ADAM10: variants seen among roughly 807,000 people sequenced by gnomAD.
ADAM10 encodes the protein ADAM metallopeptidase domain 10.
ADAM10 carries 17 observed loss-of-function variants against 90.1 expected under a neutral mutation model. The ratio of observed to expected loss-of-function variants is 0.19; its 90% CI spans 0.13 to 0.28. The LOEUF is 0.28. Ranked by LOEUF, ADAM10 falls within the 10% of genes least tolerant of loss-of-function variation. ADAM10 has a pLI of 1.00. For synonymous variants in ADAM10, 310 were observed against 298.6 expected, an observed-to-expected ratio of 1.04 and a Z score of -0.40; for missense variants, 610 against 914.3, an observed-to-expected ratio of 0.67 and a Z score of 4.29.
chr15:58,628,612 C>A (rs1486927902), intron 9 of ADAM10, among the ~76,000 whole-genome samples: 1 of 152,074 alleles, frequency 6.6e-6, no homozygotes, highest in African/African-American at 2.4e-5. Context: ...GCTTATGAGA[C>A]CAAGCAACAG....
intron 1 of ADAM10, among the ~76,000 whole-genome samples, chr15:58,720,649 C>T (rs1404908205): frequency 1.3e-5 from 2 of 152,078 alleles, no homozygotes; most frequent in Non-Finnish European, 2.9e-5. Flanking sequence ...GATCCGCCCA[C>T]CTCAGCCTCC....
intron 1 of ADAM10, among the ~76,000 whole-genome samples, chr15:58,719,980 C>T (rs1232042464): frequency 2.0e-5 from 3 of 152,136 alleles, no homozygotes; most frequent in African/African-American, 7.2e-5. Flanking sequence ...TTCCTTCTCC[C>T]ACACTTTGCC....
chr15:58,676,513 C>T (rs775919651), intron 4 of ADAM10, among the ~76,000 whole-genome samples: 7 of 152,094 alleles, frequency 4.6e-5, no homozygotes, highest in Non-Finnish European at 8.8e-5. Flanking sequence ...TTAGTGAGCC[C>T]TCCCATCTGT....
Position 58,593,806 on chromosome 15 carries a change from A to C in ADAM10, c.*3741T>G, listed in dbSNP as rs1894881920. ...GAAGAACTTACCAATTATAAAATAC[A>C]TGAATTTCTACTGAAAATAGTACAT... On this transcript the variant is annotated 3_prime_UTR_variant, in exon 16 of 16. Transcript: ENST00000260408. 1 of 152,256 alleles carries C rather than the reference A, an allele frequency of 6.6e-6. No individual in the cohort carries two copies. The highest frequency in any genetic ancestry group is 2.1e-4 in the South Asian group (1 of 4,838). The allele number at this position is 152,256 out of a possible 1,614,324, so 9.4% of individuals were successfully genotyped here.
At chr15:58,666,235 C>A (rs1897080544) in intron 4 of ADAM10, among the ~76,000 whole-genome samples, 1 of 149,858 alleles carries the variant, frequency 6.7e-6, no homozygotes, top group Non-Finnish European at 1.5e-5. Context: ...CCACTGCATT[C>A]ACCATCAACT....
rs368745823 is a variant in ADAM10 at position 58,744,441 on chromosome 15, A to C, written c.55+5039T>G. Among the ~76,000 whole-genome samples, 6 of 152,346 alleles carry C rather than the reference A, an allele frequency of 3.9e-5. No homozygotes were observed. In the South Asian group the frequency reaches 6.2e-4, roughly 16 times the overall value. On this transcript the variant is annotated intron_variant, in intron 1 of 15. Coordinates refer to ENST00000260408, the MANE Select transcript of ADAM10 (RefSeq NM_001110.4). Reference sequence around the variant, plus strand: ...ACATCTTCAAAGTTTACAAGAAAGCAAAGAAACCTAACCAAAAAGTTGGAA... The same window carrying C: ...ACATCTTCAAAGTTTACAAGAAAGCCAAGAAACCTAACCAAAAAGTTGGAA...
intron 1 of ADAM10, among the ~76,000 whole-genome samples, chr15:58,721,159 T>C (rs1298819519): frequency 6.6e-6 from 1 of 152,220 alleles, no homozygotes; most frequent in African/African-American, 2.4e-5. Context: ...GGGAGAGTTA[T>C]TAAACAAAGT....
At chr15:58,720,251 T>TA (rs1898800900) in intron 1 of ADAM10, among the ~76,000 whole-genome samples, 2 of 152,192 alleles carry the variant, frequency 1.3e-5, no homozygotes, top group Admixed American at 1.3e-4. Flanking sequence ...CCTTCTCCTC[T>TA]TGAACACACT....
chr15:58,730,008 A>AC (rs1555422739), intron 1 of ADAM10, among the ~76,000 whole-genome samples: 14,877 of 140,410 alleles, frequency 0.11, 1,062 homozygotes, highest in South Asian at 0.26. Context: ...ACAAACAAAA[A>AC]AAAAAACTCA....
At chr15:58,620,255 C>G (rs1248661638) in intron 11 of ADAM10, among the ~76,000 whole-genome samples, 2 of 152,054 alleles carry the variant, frequency 1.3e-5, no homozygotes, top group African/African-American at 4.8e-5. Flanking sequence ...CACTTGAGAT[C>G]AGGAGTCCAA....
rs529754804 is a variant in ADAM10 at position 58,639,589 on chromosome 15, A to T, written c.1012+1188T>A. Among the ~76,000 whole-genome samples the T allele has an allele frequency of 6.6e-5, 10 of 152,346 alleles. No homozygotes were observed. The East Asian group carries it at 9.6e-4, about 15-fold the overall frequency. Reference sequence around the variant, plus strand: ...TAATCCAAGTAACAAAAAAGTACAGATTATCATAAAAGACAAATATCCAAA... The same window carrying T: ...TAATCCAAGTAACAAAAAAGTACAGTTTATCATAAAAGACAAATATCCAAA... On this transcript the variant is annotated intron_variant, in intron 8 of 15. Coordinates refer to ENST00000260408, the MANE Select transcript of ADAM10 (RefSeq NM_001110.4).
intron 14 of ADAM10, among the ~76,000 whole-genome samples, chr15:58,599,928 A>G (rs1284514124): frequency 2.0e-5 from 3 of 152,164 alleles, no homozygotes; most frequent in Non-Finnish European, 2.9e-5. Flanking sequence ...GAAAATGGAA[A>G]TCACCCATAA....
At chr15:58,655,742 CTTTTTTTTTTTT>C (rs71116585) in intron 5 of ADAM10, among the ~76,000 whole-genome samples, 100 of 39,674 alleles carry the variant, frequency 2.5e-3, no homozygotes, top group South Asian at 5.9e-3. Flanking sequence ...TATATATATT[CTTTTTTTTTTTT>C]TTTTTTTTTT....
chr15:58,665,649 C>T (rs1485213272), intron 4 of ADAM10, among the ~76,000 whole-genome samples: 1 of 151,806 alleles, frequency 6.6e-6, no homozygotes, highest in African/African-American at 2.4e-5. Context: ...ATACTCCCCA[C>T]CCCTCATTTC....
chr15:58,642,076 G>A (rs1416639699), intron 7 of ADAM10, among the ~76,000 whole-genome samples: 11 of 152,222 alleles, frequency 7.2e-5, no homozygotes, highest in African/African-American at 2.7e-4. Flanking sequence ...GTATGTTACA[G>A]ATAGTCCATG....
At chr15:58,661,121 T>A (rs1421241806) in intron 5 of ADAM10, among the ~76,000 whole-genome samples, 8 of 152,376 alleles carry the variant, frequency 5.3e-5, no homozygotes, top group Non-Finnish European at 4.4e-5. Flanking sequence ...ACTACTGTCA[T>A]AAATTTTGAT....
intron 10 of ADAM10, among the ~76,000 whole-genome samples, chr15:58,622,026 A>G (rs1241936766): frequency 6.6e-6 from 1 of 152,176 alleles, no homozygotes; most frequent in Non-Finnish European, 1.5e-5. Context: ...ACACACCTAA[A>G]AGTAATAAAA....
At chr15:58,654,687 G>C (rs781156281) in intron 5 of ADAM10, among the ~76,000 whole-genome samples, 4 of 152,152 alleles carry the variant, frequency 2.6e-5, no homozygotes, top group Non-Finnish European at 5.9e-5. Flanking sequence ...CCAGTAAGTT[G>C]TGTTTCCATT....
rs1248983851 is a variant in ADAM10 at position 58,717,814 on chromosome 15, T to C, written c.56-87A>G. On this transcript the variant is annotated intron_variant, in intron 1 of 15. Transcript: ENST00000260408. The stretch of plus-strand genomic sequence containing the variant: ...ACGATTATTCAAGTATCTATGAATA[T>C]GTATGAAACAACTTCTCCCTAATCC... The C allele has an allele frequency of 2.6e-6, 4 of 1,521,956 alleles. No individual in the cohort carries two copies. In the Admixed American group the frequency reaches 6.0e-5, roughly 23 times the overall value. The allele number at this position is 1,521,956 out of a possible 1,614,324, so 94.3% of individuals were successfully genotyped here.
Sources: gnomAD v4.1 joint callset for allele counts (sites outside exome capture counted in the v4.1 genomes callset) on GRCh38, gnomAD v4.1.1 for gene constraint, MANE v1.5 for transcripts, NCBI Gene and HGNC (gene_info 2026-07-23, HGNC 2026-07-21) for gene names.